The following ADRA1A variants were observed in gnomAD, a reference collection of about 807,000 sequenced individuals.
ADRA1A encodes the protein adrenoceptor alpha 1A, also known as alpha-1A adrenergic receptor.
ADRA1A carries 31 observed loss-of-function variants against 29.6 expected under a neutral mutation model. The observed-to-expected ratio is 1.05, with a 90% CI of 0.79 to 1.41. The LOEUF is 1.41. Ranked by LOEUF, ADRA1A falls within the 40% of genes most tolerant of loss-of-function variation. ADRA1A has a pLI of 0.00. For synonymous variants in ADRA1A, 311 were observed against 254.3 expected (o/e 1.22, Z -2.12); for missense variants, 619 against 601.1 (o/e 1.03, Z -0.31).
intron 2 of ADRA1A, among the ~76,000 whole-genome samples, chr8:26,833,619 A>G (rs1811142894): frequency 6.6e-6 from 1 of 152,236 alleles, no homozygotes; most frequent in Non-Finnish European, 1.5e-5. Flanking sequence ...GAACCTGATA[A>G]GTAGACATAC....
intron 2 of ADRA1A, among the ~76,000 whole-genome samples, chr8:26,802,226 G>A (rs1465729539): frequency 6.6e-6 from 1 of 152,064 alleles, no homozygotes; most frequent in Non-Finnish European, 1.5e-5. Flanking sequence ...CGGACAAATG[G>A]GATCACATCA....
chr8:26,805,308 G>C lies in ADRA1A; in HGVS notation c.884-34642C>G, dbSNP rs114280429. On this transcript the variant is annotated intron_variant, in intron 2 of 2. Coordinates refer to ENST00000380573, the MANE Select transcript of ADRA1A (RefSeq NM_000680.4). The surrounding 1 kb of genome is among the most constrained non-coding windows in gnomAD (Gnocchi z 4.8). ...TGCTTTCTTACATTTTGAGTGTTAT[G>C]AGCTAGACAGTAAGTTAACATTGAA... Among the ~76,000 whole-genome samples, 1,529 of 152,210 alleles carry C rather than the reference G, an allele frequency of 0.01. 25 individuals carry two copies. The highest frequency in any genetic ancestry group is 0.035 in the African/African-American group (1,458 of 41,530).
At chr8:26,802,796 A>G (rs1177812822) in intron 2 of ADRA1A, among the ~76,000 whole-genome samples, 1 of 152,176 alleles carries the variant, frequency 6.6e-6, no homozygotes, top group Non-Finnish European at 1.5e-5. Context: ...AACACTATTC[A>G]CAATAGCCAA....
chr8:26,764,405 G>A (rs1462209658), downstream of ADRA1A, among the ~76,000 whole-genome samples: 2 of 152,220 alleles, frequency 1.3e-5, no homozygotes, highest in South Asian at 2.1e-4. Context: ...ATTTGCCCTC[G>A]GCCCCTAGAA....
At chr8:26,826,014 T>C (rs1249436258) in intron 2 of ADRA1A, among the ~76,000 whole-genome samples, 1 of 152,214 alleles carries the variant, frequency 6.6e-6, no homozygotes, top group African/African-American at 2.4e-5. Flanking sequence ...GATGGCCAGC[T>C]CACTTACACA....
At chr8:26,799,108 AGTTCATTAATGGG>A (rs776725192) in intron 2 of ADRA1A, among the ~76,000 whole-genome samples, 2 of 152,186 alleles carry the variant, frequency 1.3e-5, no homozygotes, top group Admixed American at 1.3e-4. Flanking sequence ...GTTGTTCAAA[AGTTCATTAATGGG>A]GTCCAGTTAT....
chr8:26,770,265 A>G lies in ADRA1A; in HGVS notation c.1285T>C (p.Phe429Leu). 1 of 1,614,140 alleles carries G rather than the reference A, an allele frequency of 6.2e-7. No individual in the cohort carries two copies. ...CTTARVRSKS[F>L]LQVCCCVGPS... ...CCTACACAGCAGCAGACCTGCAAAAAGCTTTTACTTCTCACCCGGGCTGTG... is the reference window on the plus strand; with the variant it reads ...CCTACACAGCAGCAGACCTGCAAAAGGCTTTTACTTCTCACCCGGGCTGTG... The change falls in exon 3 of 3, where the codon TTT (phenylalanine) becomes CTT (leucine). Residue 429 changes from phenylalanine (F) to leucine (L), a missense_variant. Coordinates refer to ENST00000380573, the MANE Select transcript of ADRA1A (RefSeq NM_000680.4).
chr8:26,786,694 A>T (rs1478992845), intron 2 of ADRA1A, among the ~76,000 whole-genome samples: 1 of 150,908 alleles, frequency 6.6e-6, no homozygotes, highest in East Asian at 1.9e-4. Flanking sequence ...CAGGGGAAAG[A>T]TCTTTGATCC....
rs918811310 is a variant in ADRA1A at position 26,860,651 on chromosome 8, T to C, written c.883+3436A>G. On this transcript the variant is annotated intron_variant, in intron 2 of 2. Coordinates refer to ENST00000380573, the MANE Select transcript of ADRA1A (RefSeq NM_000680.4). This position sits in a 1 kb window ranked among gnomAD's most constrained non-coding sequence, Gnocchi z 4.7. ...CCTGACTCTCTCTTAGCTGATGACC[T>C]TGCTTCATATTTCACTGAGGACATA... is the stretch of plus-strand genomic sequence containing the variant. Among the ~76,000 whole-genome samples the C allele has an allele frequency of 1.3e-5, 2 of 152,156 alleles. No individual in the cohort carries two copies. The highest frequency in any genetic ancestry group is 2.4e-5 in the African/African-American group (1 of 41,434).
intron 2 of ADRA1A, among the ~76,000 whole-genome samples, chr8:26,813,958 C>T (rs974786325): frequency 3.3e-5 from 5 of 152,160 alleles, no homozygotes; most frequent in Non-Finnish European, 7.3e-5. Flanking sequence ...CCAAGCCAAA[C>T]CAGTGATCCT....
intron 2 of ADRA1A, among the ~76,000 whole-genome samples, chr8:26,820,390 A>AT (rs989468658): frequency 2.0e-5 from 3 of 152,196 alleles, no homozygotes; most frequent in Non-Finnish European, 4.4e-5. Context: ...ATATCAAGTC[A>AT]TTTTTTGACC....
intron 2 of ADRA1A, among the ~76,000 whole-genome samples, chr8:26,824,651 C>G (rs1479659176): frequency 6.6e-6 from 1 of 152,090 alleles, no homozygotes; most frequent in African/African-American, 2.4e-5. Context: ...CTCCCTTAAG[C>G]TCTCTAATTA....
downstream of ADRA1A, among the ~76,000 whole-genome samples, chr8:26,764,605 A>C (rs1253257353): frequency 6.6e-6 from 1 of 152,232 alleles, no homozygotes; most frequent in African/African-American, 2.4e-5. Context: ...TATTCAAAGA[A>C]ACCCTTAAAT....
chr8:26,819,713 CA>C (rs1025966063), intron 2 of ADRA1A, among the ~76,000 whole-genome samples: 8 of 152,036 alleles, frequency 5.3e-5, no homozygotes, highest in Admixed American at 5.2e-4. Flanking sequence ...AACTACACAA[CA>C]GTCATAAAAA....
rs75019411 is a variant in ADRA1A at position 26,771,417 on chromosome 8, A to ATT, written c.884-753_884-752dup. ...ACACTTTTTCTCCAGGTCATTGATC[A>ATT]TTTTTTTTGTCCTCTCAAGTTGGGC... On this transcript the variant is annotated intron_variant, in intron 2 of 2. Coordinates refer to ENST00000380573, the MANE Select transcript of ADRA1A (RefSeq NM_000680.4). Among the ~76,000 whole-genome samples the ATT allele has an allele frequency of 2.9e-3, 444 of 151,726 alleles. 7 individuals carry two copies. Among genetic ancestry groups the ATT allele is most frequent in the African/African-American group, 9.4e-3 (387 of 41,350 alleles).
chr8:26,770,184 T>G lies in ADRA1A; in HGVS notation c.1366A>C (p.Thr456Pro), dbSNP rs1421717697. Residue 456 changes from threonine (T) to proline (P), a missense_variant, in exon 3 of 3, where the codon ACC becomes CCC. By Grantham distance (38) the Thr-to-Pro change is conservative. Coordinates refer to ENST00000380573, the MANE Select transcript of ADRA1A (RefSeq NM_000680.4). ...NHQVPTIKVH[T>P]ISLSENGEEV ...TCCCCGTTCTCACTGAGGGAGATGGTGTGGACCTTAATGGTTGGAACTTGA... is the reference window on the plus strand; with the variant it reads ...TCCCCGTTCTCACTGAGGGAGATGGGGTGGACCTTAATGGTTGGAACTTGA... The G allele has an allele frequency of 6.3e-7, 1 of 1,582,580 alleles. No individual in the cohort carries two copies. The highest frequency in any genetic ancestry group is 1.7e-5 in the Admixed American group (1 of 58,028).
intron 2 of ADRA1A, among the ~76,000 whole-genome samples, chr8:26,837,826 T>C (rs953480860): frequency 6.6e-6 from 1 of 152,234 alleles, no homozygotes; most frequent in Non-Finnish European, 1.5e-5. Flanking sequence ...GAAGGCTCAA[T>C]GAGTAGAAGC....
At chr8:26,755,223 C>T (rs1471041065), downstream of ADRA1A, among the ~76,000 whole-genome samples, 1 of 150,590 alleles carries the variant, frequency 6.6e-6, no homozygotes, top group East Asian at 1.9e-4. Flanking sequence ...TTTAGCCATC[C>T]CACTGTAATG....
At chr8:26,798,413 C>CA (rs1169566741) in intron 2 of ADRA1A, among the ~76,000 whole-genome samples, 1 of 152,174 alleles carries the variant, frequency 6.6e-6, no homozygotes, top group African/African-American at 2.4e-5. Flanking sequence ...CAAAAGGACT[C>CA]AATATGTTAA....
Sources: allele counts gnomAD v4.1 joint callset (sites outside exome capture counted in the v4.1 genomes callset), GRCh38; gene constraint gnomAD v4.1.1; non-coding constraint Gnocchi (gnomAD v3.1); transcripts MANE v1.5; gene names NCBI Gene and HGNC (gene_info 2026-07-23, HGNC 2026-07-21).